Variants in R3HDM2 observed in about 807,000 individuals in gnomAD.
R3HDM2 encodes R3H domain-containing protein 2.
R3HDM2 carries 38 observed loss-of-function variants against 124.5 expected under a neutral mutation model. The ratio of observed to expected loss-of-function variants is 0.31; its 90% confidence interval spans 0.24 to 0.40. R3HDM2 has a LOEUF of 0.40. Ranked by LOEUF, R3HDM2 falls within the 10% of genes least tolerant of loss-of-function variation. R3HDM2 has a pLI of 1.00. For missense variants in R3HDM2, 869 were observed against 1,236.9 expected (o/e 0.70, Z 4.46); for synonymous variants, 391 against 448.0 (o/e 0.87, Z 1.61).
chr12:57,326,585 G>A (rs1191609518), intron 2 of R3HDM2, among the ~76,000 whole-genome samples: 1 of 152,234 alleles, frequency 6.6e-6, no homozygotes, highest in African/African-American at 2.4e-5. Context: ...AAGGTGCAAG[G>A]TGAAGCAGCA....
At chr12:57,364,555 C>T (rs1169140992) in intron 2 of R3HDM2, among the ~76,000 whole-genome samples, 3 of 152,158 alleles carry the variant, frequency 2.0e-5, no homozygotes, top group African/African-American at 4.8e-5. Context: ...AGGGCTCTCT[C>T]CTTGACTTCC....
At chr12:57,341,014 T>G (rs1048397628) in intron 2 of R3HDM2, among the ~76,000 whole-genome samples, 3 of 152,150 alleles carry the variant, frequency 2.0e-5, no homozygotes, top group Non-Finnish European at 2.9e-5. Flanking sequence ...TGTTCTAAAC[T>G]ACAATGTCAA....
chr12:57,338,091 G>A (rs1371911218), intron 2 of R3HDM2, among the ~76,000 whole-genome samples: 2 of 152,212 alleles, frequency 1.3e-5, no homozygotes, highest in Non-Finnish European at 2.9e-5. Context: ...ATCACCTGAG[G>A]TCAGGAGTTC....
intron 2 of R3HDM2, among the ~76,000 whole-genome samples, chr12:57,372,723 T>C (rs2063526853): frequency 6.6e-6 from 1 of 152,194 alleles, no homozygotes. Context: ...AGGTCTAACA[T>C]CAATTTAGAC....
chr12:57,427,303 T>C (rs1251689900), intron 1 of R3HDM2, among the ~76,000 whole-genome samples: 1 of 136,222 alleles, frequency 7.3e-6, no homozygotes, highest in African/African-American at 2.7e-5. Context: ...AAAAAATAAA[T>C]AAATAATAAT....
chr12:57,282,236 G>A (rs968140454), intron 13 of R3HDM2, among the ~76,000 whole-genome samples: 7 of 151,642 alleles, frequency 4.6e-5, no homozygotes, highest in African/African-American at 7.3e-5. Context: ...GCTTGAACCC[G>A]GGAGGCGGAG....
chr12:57,265,969 G>T (rs1310280839), intron 19 of R3HDM2, among the ~76,000 whole-genome samples: 1 of 151,864 alleles, frequency 6.6e-6, no homozygotes, highest in East Asian at 1.9e-4. Context: ...GCTAATTTTT[G>T]TATTTTTAAT....
chr12:57,421,309 T>A (rs1017518896), intron 1 of R3HDM2, among the ~76,000 whole-genome samples: 1 of 148,470 alleles, frequency 6.7e-6, no homozygotes, highest in African/African-American at 2.5e-5. Context: ...GCACAACCAC[T>A]CCCGGCTAAT....
intron 19 of R3HDM2, among the ~76,000 whole-genome samples, chr12:57,264,597 A>G (rs1320394906): frequency 1.3e-5 from 2 of 151,560 alleles, no homozygotes; most frequent in Admixed American, 1.3e-4. Context: ...AAAGAAAAGA[A>G]AAAACAAAAG....
rs762255529 is a variant in R3HDM2 at position 57,269,946 on chromosome 12, C to T, written c.1393G>A (p.Gly465Ser). 4.0e-5 allele frequency: 65 copies of T among 1,614,184 alleles called. No individual in the cohort carries two copies. In the East Asian group the frequency reaches 1.3e-3, roughly 33 times the overall value. ...PFGQMSLSRQGSTEAADPSAA... is the reference protein window; with the variant it reads ...PFGQMSLSRQSSTEAADPSAA... ...GATGGGTCAGCTGCTTCAGTAGAAC[C>T]TTGGCGACTAAGGCTCATTTGTCCA... is the stretch of plus-strand genomic sequence containing the variant. The change falls in exon 15 of 24, where the codon GGT (glycine) becomes AGT (serine). Residue 465 changes from glycine to serine, a missense_variant. By Grantham distance (56) the Gly-to-Ser change is moderately conservative (BLOSUM62 0). Around this residue, in one of 2 missense-constraint regions of R3HDM2, gnomAD observed 602 missense variants for 789.2 expected, o/e 0.76. Coordinates refer to ENST00000402412, the MANE Select transcript of R3HDM2 (RefSeq NM_001394031.1).
At chr12:57,267,534 C>T (rs1162774612) in intron 18 of R3HDM2, among the ~76,000 whole-genome samples, 3 of 152,012 alleles carry the variant, frequency 2.0e-5, no homozygotes, top group African/African-American at 7.3e-5. Context: ...GCCTGGGTAA[C>T]AAGAGCAAGA....
At chr12:57,390,813 C>G (rs1432525930) in intron 2 of R3HDM2, among the ~76,000 whole-genome samples, 1 of 152,020 alleles carries the variant, frequency 6.6e-6, no homozygotes. Context: ...GAGTCTGAGA[C>G]CAGCCTGGCC....
intron 1 of R3HDM2, among the ~76,000 whole-genome samples, chr12:57,411,585 G>A (rs762846206): frequency 1.2e-4 from 18 of 152,190 alleles, no homozygotes; most frequent in Non-Finnish European, 2.5e-4. Flanking sequence ...CACCTTCAGT[G>A]CAAAATATTT....
intron 2 of R3HDM2, among the ~76,000 whole-genome samples, chr12:57,335,489 CACCT>C (rs2058738155): frequency 7.9e-6 from 1 of 125,970 alleles, no homozygotes; most frequent in Non-Finnish European, 1.7e-5. Context: ...CACGCCCGGC[CACCT>C]TTTTTTTTTT....
At chr12:57,344,735 G>T (rs990648641) in intron 2 of R3HDM2, among the ~76,000 whole-genome samples, 8 of 152,108 alleles carry the variant, frequency 5.3e-5, no homozygotes, top group African/African-American at 1.9e-4. Context: ...ACAGGGGAAA[G>T]AGTCAATGAA....
rs112608380 is a variant in R3HDM2, at chr12:57,416,764, C to T, written c.-106+13956G>A. On this transcript the variant is annotated intron_variant, in intron 1 of 23. Transcript: ENST00000402412. ...CGGAGGTTGCAGTGAGCTGAGACTG[C>T]GCCACTGCACTCCAGCCTGGGCAAC... is the stretch of plus-strand genomic sequence containing the variant. Among the ~76,000 whole-genome samples the T allele has an allele frequency of 7.8e-3, 1,190 of 151,926 alleles. 8 individuals carry two copies. Among genetic ancestry groups the T allele is most frequent in the Non-Finnish European group, 0.013 (887 of 67,946 alleles).
intron 2 of R3HDM2, among the ~76,000 whole-genome samples, chr12:57,330,720 A>T (rs1251537686): frequency 3.4e-5 from 3 of 89,376 alleles, no homozygotes; most frequent in African/African-American, 1.4e-4. Flanking sequence ...TTTTTTTGAG[A>T]CGGAGTCTCG....
intron 4 of R3HDM2, 96 bp downstream of exon 4, chr12:57,303,080 C>A: frequency 8.3e-7 from 1 of 1,204,424 alleles, no homozygotes; most frequent in South Asian, 1.3e-5. Flanking sequence ...AAAACTCTGC[C>A]TACATAATTT....
intron 2 of R3HDM2, among the ~76,000 whole-genome samples, chr12:57,317,869 A>G (rs2055476351): frequency 6.6e-6 from 1 of 150,990 alleles, no homozygotes; most frequent in African/African-American, 2.4e-5. Flanking sequence ...AATCCCAGCT[A>G]CTCAGGAGGC....
Sources: allele counts gnomAD v4.1 joint callset (sites outside exome capture counted in the v4.1 genomes callset), GRCh38; gene constraint gnomAD v4.1.1; regional missense constraint gnomAD v4.1.1; transcripts MANE v1.5; gene names NCBI Gene and HGNC (gene_info 2026-07-23, HGNC 2026-07-21).